CAP2: variants seen among roughly 807,000 people sequenced by gnomAD.
The protein encoded by CAP2 is cyclase associated actin cytoskeleton regulatory protein 2, also known as adenylyl cyclase-associated protein 2.
Under a neutral mutation model 57.7 loss-of-function variants are expected in CAP2, and 24 were observed. That is an observed-to-expected ratio of 0.42 (90% CI 0.30 to 0.58). The LOEUF (loss-of-function observed/expected upper bound fraction) is 0.58, where lower values mean the gene tolerates loss of function less well. Among genes scored for constraint, CAP2 ranks in the 20% least tolerant of loss-of-function variants. The pLI, the probability that CAP2 is intolerant of heterozygous loss-of-function variation, is 0.22. For synonymous variants in CAP2, 194 were observed against 207.2 expected (o/e 0.94, Z 0.55); for missense variants, 501 against 590.3 (o/e 0.85, Z 1.57).
chr6:17,509,161 A>C (rs1357538599), intron 6 of CAP2, among the ~76,000 whole-genome samples: 1 of 152,310 alleles, frequency 6.6e-6, no homozygotes, highest in East Asian at 1.9e-4. Flanking sequence ...GAAAAATTGC[A>C]TAAAATACAT....
intron 3 of CAP2, among the ~76,000 whole-genome samples, chr6:17,440,175 A>T (rs1215003017): frequency 6.6e-6 from 1 of 151,620 alleles, no homozygotes; most frequent in East Asian, 1.9e-4. Flanking sequence ...CCATTGATTC[A>T]AGTCCACTTT....
rs116688591 is a variant in CAP2, at chr6:17,413,757, G to A, written c.-1-7798G>A. ...AAGTCACTGATACGGTTACTGTAAA[G>A]AGAATTTAACAATTGGCCAGACGCA... On this transcript the variant is annotated intron_variant, in intron 1 of 12. Coordinates refer to ENST00000229922, the MANE Select transcript of CAP2 (RefSeq NM_006366.3). Among the ~76,000 whole-genome samples, 748 of 152,270 alleles carry A rather than the reference G, an allele frequency of 4.9e-3. 9 individuals are homozygous for A. The highest frequency in any genetic ancestry group is 0.017 in the African/African-American group (711 of 41,564).
At chr6:17,461,332 T>C (rs1203976153) in intron 3 of CAP2, among the ~76,000 whole-genome samples, 1 of 152,100 alleles carries the variant, frequency 6.6e-6, no homozygotes, top group African/African-American at 2.4e-5. Context: ...GTTCACATGA[T>C]TCTCCTGCCT....
At chr6:17,399,787 CTT>C (rs942203441) in intron 1 of CAP2, among the ~76,000 whole-genome samples, 1 of 152,158 alleles carries the variant, frequency 6.6e-6, no homozygotes, top group African/African-American at 2.4e-5. Flanking sequence ...TCTAAAATCT[CTT>C]TTGTTTTGAT....
intron 3 of CAP2, among the ~76,000 whole-genome samples, chr6:17,453,711 T>A (rs1760473100): frequency 1.3e-5 from 2 of 152,106 alleles, no homozygotes; most frequent in African/African-American, 4.8e-5. Flanking sequence ...CCCACAGTGG[T>A]AATTAGTACG....
At chr6:17,466,489 T>A (rs1760867978) in intron 4 of CAP2, among the ~76,000 whole-genome samples, 1 of 152,230 alleles carries the variant, frequency 6.6e-6, no homozygotes, top group Admixed American at 6.5e-5. Flanking sequence ...ACTGTTACAA[T>A]TGAAGCTCAG....
At chr6:17,438,558 C>T (rs1759972129) in intron 3 of CAP2, among the ~76,000 whole-genome samples, 1 of 141,166 alleles carries the variant, frequency 7.1e-6, no homozygotes, top group African/African-American at 2.7e-5. Flanking sequence ...CCTGTCTCAG[C>T]CTCCTGAGTA....
chr6:17,398,501 G>GAT (rs1388550638), intron 1 of CAP2, among the ~76,000 whole-genome samples: 1 of 151,538 alleles, frequency 6.6e-6, no homozygotes, highest in Non-Finnish European at 1.5e-5. Context: ...ACTATTTTAA[G>GAT]ATATATATAA....
chr6:17,507,025 T>C lies in CAP2; in HGVS notation c.301-144T>C, dbSNP rs138731368. On this transcript the variant is annotated intron_variant, in intron 4 of 12. Coordinates refer to ENST00000229922, the MANE Select transcript of CAP2 (RefSeq NM_006366.3). ...ACCATAACCAAGAACAAATGCATGC[T>C]GTTCTCAAAGATGATTATATGTTTC... 1.9e-3 allele frequency: 1,508 copies of C among 777,126 alleles called. 12 individuals are homozygous for C. Among genetic ancestry groups the C allele is most frequent in the East Asian group, 0.018 (746 of 40,568 alleles). 48.1% of individuals were successfully genotyped at this position (777,126 alleles called of 1,614,324 possible).
At chr6:17,410,473 C>T (rs1433570809) in intron 1 of CAP2, among the ~76,000 whole-genome samples, 2 of 152,126 alleles carry the variant, frequency 1.3e-5, no homozygotes, top group Non-Finnish European at 2.9e-5. Flanking sequence ...CAACTAGTTC[C>T]AGGAGTGGGG....
At chr6:17,424,108 T>C (rs1186617109) in intron 2 of CAP2, among the ~76,000 whole-genome samples, 2 of 151,928 alleles carry the variant, frequency 1.3e-5, no homozygotes, top group African/African-American at 4.8e-5. Context: ...AACTTGAAAA[T>C]GTTTAAAATC....
intron 7 of CAP2, among the ~76,000 whole-genome samples, chr6:17,523,033 C>T (rs1342729694): frequency 1.3e-5 from 2 of 152,172 alleles, no homozygotes; most frequent in Non-Finnish European, 2.9e-5. Flanking sequence ...CGTACCCAGC[C>T]TGCATGGGTT....
intron 1 of CAP2, among the ~76,000 whole-genome samples, chr6:17,413,094 G>A (rs1759182401): frequency 6.6e-6 from 1 of 152,084 alleles, no homozygotes; most frequent in Non-Finnish European, 1.5e-5. Flanking sequence ...AGAGAGCTGG[G>A]GTGAGATCTT....
rs763214434 is a variant in CAP2 at position 17,541,065 on chromosome 6, A to C, written c.919A>C (p.Thr307Pro). 12 of 1,613,998 alleles carry C rather than the reference A, an allele frequency of 7.4e-6. No homozygotes were observed. The East Asian group carries it at 2.2e-4, about 30-fold the overall frequency. ...AACTCAATCTCCCACCAAAAGTCAC[A>C]CTCCAAGTCCCACATCTCCTAAATC... ...GQTQSPTKSH[T>P]PSPTSPKSYP... The change falls in exon 9 of 13, where the codon ACT becomes CCT. Residue 307 changes from threonine (T) to proline (P), a missense_variant. Thr to Pro is a conservative substitution (Grantham distance 38). Transcript: ENST00000229922.
chr6:17,449,891 G>A (rs1048463683), intron 3 of CAP2, among the ~76,000 whole-genome samples: 33 of 152,042 alleles, frequency 2.2e-4, no homozygotes, highest in Non-Finnish European at 2.4e-4. Flanking sequence ...TTATGAACTA[G>A]GAAAATAAGA....
intron 3 of CAP2, among the ~76,000 whole-genome samples, chr6:17,426,935 A>T (rs59558393): frequency 0.11 from 17,374 of 152,244 alleles, 2,923 homozygotes; most frequent in African/African-American, 0.37. Flanking sequence ...GATAGGCTAC[A>T]TCCTGTTCTC....
rs1258623150 is a variant in CAP2, at chr6:17,556,404, T to C, written c.1396T>C (p.Ser466Pro). Reference protein sequence around the residue: ...PEQFKTAWDGSKLITEPAEIM... With the variant: ...PEQFKTAWDGPKLITEPAEIM... ...ACAGTTCAAGACAGCATGGGATGGA[T>C]CCAAGTTAATCACTGAACCTGCAGA... is the stretch of plus-strand genomic sequence containing the variant. Residue 466 changes from serine to proline, a missense_variant, in exon 13 of 13, where the codon TCC (serine) becomes CCC (proline). Coordinates refer to ENST00000229922, the MANE Select transcript of CAP2 (RefSeq NM_006366.3). 1.2e-6 allele frequency: 2 copies of C among 1,613,960 alleles called. No homozygotes were observed. The highest frequency in any genetic ancestry group is 4.5e-5 in the East Asian group (2 of 44,888).
intron 7 of CAP2, among the ~76,000 whole-genome samples, chr6:17,517,776 C>G (rs1481698559): frequency 6.6e-6 from 1 of 152,074 alleles, no homozygotes; most frequent in Non-Finnish European, 1.5e-5. Flanking sequence ...TGGCGGGCAC[C>G]TGTAATCCCA....
chr6:17,408,660 C>CCT (rs571169137), intron 1 of CAP2, among the ~76,000 whole-genome samples: 1 of 120,454 alleles, frequency 8.3e-6, no homozygotes, highest in Non-Finnish European at 1.6e-5. Flanking sequence ...TGATAGCCTC[C>CCT]TTTTTTTTTT....
Sources: gnomAD v4.1 joint callset for allele counts (sites outside exome capture counted in the v4.1 genomes callset) on GRCh38, gnomAD v4.1.1 for gene constraint, MANE v1.5 for transcripts, NCBI Gene and HGNC (gene_info 2026-07-23, HGNC 2026-07-21) for gene names.